Variants in HNRNPC observed in about 807,000 individuals in gnomAD.
HNRNPC encodes heterogeneous nuclear ribonucleoproteins C1/C2.
In HNRNPC, 3 loss-of-function variants were observed where a neutral mutation model predicts 33.2. The ratio of observed to expected loss-of-function variants is 0.09; its 90% confidence interval spans 0.04 to 0.23. The LOEUF (loss-of-function observed/expected upper bound fraction) is 0.23. Among genes scored for constraint, HNRNPC ranks in the 10% least tolerant of loss-of-function variants. The pLI, the probability that HNRNPC is intolerant of heterozygous loss-of-function variation, is 1.00. For missense variants in HNRNPC, 143 were observed against 366.7 expected (o/e 0.39, Z 4.98); for synonymous variants, 121 against 126.7 (o/e 0.96, Z 0.30).
At chr14:21,253,840 C>T (rs1052513605) in intron 2 of HNRNPC, among the ~76,000 whole-genome samples, 11 of 151,890 alleles carry the variant, frequency 7.2e-5, no homozygotes, top group Admixed American at 2.6e-4. Context: ...CTAAGGCGGG[C>T]AGATCACGAG....
chr14:21,212,239 T>TC (rs933835185), intron 6 of HNRNPC, among the ~76,000 whole-genome samples: 1 of 152,080 alleles, frequency 6.6e-6, no homozygotes, highest in African/African-American at 2.4e-5. Flanking sequence ...ACAGCCTAGA[T>TC]CCCCAGGGTC....
intron 2 of HNRNPC, among the ~76,000 whole-genome samples, chr14:21,238,154 C>CT (rs1473726444): frequency 6.6e-6 from 1 of 152,152 alleles, no homozygotes; most frequent in Non-Finnish European, 1.5e-5. Context: ...TCTACTTTTG[C>CT]TTTTTGCCTC....
At chr14:21,249,996 AACAC>A (rs1446848842) in intron 2 of HNRNPC, among the ~76,000 whole-genome samples, 1 of 152,216 alleles carries the variant, frequency 6.6e-6, no homozygotes, top group East Asian at 1.9e-4. Flanking sequence ...AAAATAATAA[AACAC>A]AGGAAGGTCT....
intron 2 of HNRNPC, among the ~76,000 whole-genome samples, chr14:21,244,548 C>T (rs956674846): frequency 1.3e-5 from 2 of 152,168 alleles, no homozygotes; most frequent in African/African-American, 4.8e-5. Flanking sequence ...TAATGATATA[C>T]GATTCTAAAT....
At chr14:21,217,203 G>C (rs1487179287) in intron 5 of HNRNPC, among the ~76,000 whole-genome samples, 2 of 152,232 alleles carry the variant, frequency 1.3e-5, no homozygotes, top group Non-Finnish European at 2.9e-5. Flanking sequence ...TCGTAACATA[G>C]TTGGAATTCT....
In HNRNPC at chr14:21,211,216, T is replaced by C; in HGVS notation, c.*7A>G. The C allele has an allele frequency of 5.0e-6, 8 of 1,613,038 alleles. No homozygotes were observed. The highest frequency in any genetic ancestry group is 6.8e-6 in the Non-Finnish European group (8 of 1,179,096). ...ATGGGATAAGATTTCTAAACCCCAC[T>C]ATGTGCTTAAGAGTCATCCTCGCCA... On this transcript the variant is annotated 3_prime_UTR_variant, in exon 9 of 9. Transcript: ENST00000553300.
chr14:21,229,668 T>TA (rs1166048386), intron 5 of HNRNPC, among the ~76,000 whole-genome samples: 3 of 152,224 alleles, frequency 2.0e-5, no homozygotes, highest in Non-Finnish European at 4.4e-5. Context: ...CATGACTGAT[T>TA]AACTCAGTTC....
chr14:21,244,764 GTATAGCC>G lies in HNRNPC; in HGVS notation c.-36-10542_-36-10536del, dbSNP rs1895770634. 2.0e-5 allele frequency among the ~76,000 whole-genome samples: 3 copies of G among 152,132 alleles called. No homozygotes were observed. The South Asian group carries it at 6.2e-4, about 32-fold the overall frequency. On this transcript the variant is annotated intron_variant, in intron 2 of 8. Transcript: ENST00000553300. ...GCCTACCACACACCTAGCCTGTATC[GTATAGCC>G]TATTGCTCCCAGACTACAAACCTGC...
At chr14:21,248,328 C>T (rs1896227213) in intron 2 of HNRNPC, among the ~76,000 whole-genome samples, 1 of 152,194 alleles carries the variant, frequency 6.6e-6, no homozygotes, top group Non-Finnish European at 1.5e-5. Context: ...CAGGCGTGAG[C>T]CCCTGCAACC....
chr14:21,235,283 C>T (rs951353519), intron 2 of HNRNPC, among the ~76,000 whole-genome samples: 13 of 152,126 alleles, frequency 8.5e-5, no homozygotes, highest in Non-Finnish European at 5.9e-5. Flanking sequence ...TTGAAAGGTA[C>T]TGATAAATCT....
chr14:21,219,096 G>A (rs72675012), intron 5 of HNRNPC, among the ~76,000 whole-genome samples: 20,449 of 134,224 alleles, frequency 0.15, 1,878 homozygotes, highest in East Asian at 0.37. Context: ...GGAACAGAGC[G>A]AGACTCTTTC....
At chr14:21,251,153 C>G (rs1050529826) in intron 2 of HNRNPC, among the ~76,000 whole-genome samples, 3 of 141,246 alleles carry the variant, frequency 2.1e-5, no homozygotes, top group Non-Finnish European at 3.0e-5. Context: ...CCTGGCTACT[C>G]GGGAGGCTAA....
intron 5 of HNRNPC, among the ~76,000 whole-genome samples, chr14:21,217,204 T>C (rs1056864114): frequency 1.3e-5 from 2 of 152,238 alleles, no homozygotes; most frequent in African/African-American, 4.8e-5. Flanking sequence ...CGTAACATAG[T>C]TGGAATTCTT....
chr14:21,222,040 CAAAAAAA>C (rs71112558), intron 5 of HNRNPC, among the ~76,000 whole-genome samples: 101 of 65,710 alleles, frequency 1.5e-3, no homozygotes, highest in African/African-American at 6.0e-3. Flanking sequence ...GACTCCGTCT[CAAAAAAA>C]AAAAAAAAAA....
At chr14:21,229,082 A>AT (rs1166115974) in intron 5 of HNRNPC, among the ~76,000 whole-genome samples, 26 of 133,574 alleles carry the variant, frequency 1.9e-4, no homozygotes, top group African/African-American at 7.3e-4. Flanking sequence ...AAAATTCCGT[A>AT]TTTAAAAAAA....
chr14:21,261,835 A>C (rs1453303473), intron 2 of HNRNPC, among the ~76,000 whole-genome samples: 2 of 152,340 alleles, frequency 1.3e-5, no homozygotes, highest in African/African-American at 2.4e-5. Context: ...GCAGTGAGTA[A>C]AATACTACGG....
intron 5 of HNRNPC, among the ~76,000 whole-genome samples, chr14:21,226,377 A>G (rs1322157393): frequency 1.3e-5 from 2 of 151,680 alleles, no homozygotes; most frequent in African/African-American, 2.4e-5. Context: ...GTAGCTGTTG[A>G]CGAACATCAA....
chr14:21,251,773 A>C (rs1896707606), intron 2 of HNRNPC, among the ~76,000 whole-genome samples: 1 of 152,134 alleles, frequency 6.6e-6, no homozygotes, highest in African/African-American at 2.4e-5. Context: ...CACAGTTACC[A>C]CATCAAATAT....
At chr14:21,247,820 CA>C (rs1216770970) in intron 2 of HNRNPC, among the ~76,000 whole-genome samples, 1,611 of 76,670 alleles carry the variant, frequency 0.021, 9 homozygotes, top group East Asian at 0.048. Context: ...ACTAAAAATA[CA>C]AAAAAAAAAA....
Sources: gnomAD v4.1 joint callset for allele counts (sites outside exome capture counted in the v4.1 genomes callset) on GRCh38, gnomAD v4.1.1 for gene constraint, MANE v1.5 for transcripts, NCBI Gene and HGNC (gene_info 2026-07-23, HGNC 2026-07-21) for gene names.